RIF1: variants seen among roughly 807,000 people sequenced by gnomAD.
RIF1 encodes telomere-associated protein RIF1.
RIF1 carries 45 observed loss-of-function variants against 247.1 expected under a neutral mutation model. The observed-to-expected ratio is 0.18, with a 90% confidence interval of 0.14 to 0.23. The LOEUF (loss-of-function observed/expected upper bound fraction) is 0.23. Among genes scored for constraint, RIF1 ranks in the 10% least tolerant of loss-of-function variants. The pLI is 1.00. For synonymous variants in RIF1, 1,087 were observed against 978.8 expected (o/e 1.11, Z -2.06); for missense variants, 2,967 against 2,862.5 (o/e 1.04, Z -0.83).
At position 151,410,510 on chromosome 2, in the gene RIF1, T is replaced by A; in HGVS notation, c.87T>A (p.Ala29=). 1 of 1,613,814 alleles carries A rather than the reference T, an allele frequency of 6.2e-7. No homozygotes were observed. Residue 29 remains alanine, a synonymous_variant, in exon 2 of 36, where the codon GCT becomes GCA. Transcript: ENST00000444746. The stretch of plus-strand genomic sequence containing the variant: ...CCTCCCATGGAGGGCAGACTGACGC[T>A]TACCTGACTCTGACCAGGTGAGGTC... ...PSASHGGQTD[A]YLTLTSRMTG...
chr2:151,529,535 T>A, the RIF1 span, among the ~76,000 whole-genome samples: 1 of 71,738 alleles, frequency 1.4e-5, no homozygotes, highest in African/African-American at 3.5e-5. Context: ...TGCCATATAA[T>A]TTTTTTTTTT....
intron 10 of RIF1, chr2:151,496,203 A>G: frequency 7.2e-7 from 1 of 1,392,354 alleles, no homozygotes; most frequent in Non-Finnish European, 9.9e-7. Context: ...AGTAGGATTA[A>G]TATGTATTAT....
chr2:151,474,770 G>A, intron 35 of RIF1, 87 bp from the exon 36 acceptor site: 1 of 757,862 alleles, frequency 1.3e-6, no homozygotes, highest in Non-Finnish European at 2.2e-6. Flanking sequence ...TTGAAACCTA[G>A]GCACTTGGAC....
chr2:151,531,858 T>A, the RIF1 span: 1 of 1,611,480 alleles, frequency 6.2e-7, no homozygotes, highest in Non-Finnish European at 8.5e-7. Context: ...TTGAGGTAAA[T>A]TTGTCCTTTG....
chr2:151,461,431 GC>G, intron 27 of RIF1, 142 bp downstream of exon 27: 1 of 740,828 alleles, frequency 1.3e-6, no homozygotes, highest in Non-Finnish European at 2.1e-6. Context: ...TCACTCTGTT[GC>G]CCAGGCTGGA....
chr2:151,498,432 G>A (rs1575073522), intron 10 of RIF1: 2 of 942,176 alleles, frequency 2.1e-6, no homozygotes. Context: ...GTTGGGAGTG[G>A]GAAGGGAGGA....
At position 151,490,397 on chromosome 2, in the gene RIF1, G is replaced by A. The variant is rs772073084; in HGVS notation, c.*416-4832G>A. ...CTGTTGAGACTGCAAAGACACCCCC[G>A]TCGCTGTAAGTCGAAAGGTGGTGGT... is the stretch of plus-strand genomic sequence containing the variant. On this transcript the variant is annotated intron_variant and NMD_transcript_variant, in intron 9 of 13. Transcript: ENST00000454583. The A allele has an allele frequency of 7.5e-6, 12 of 1,591,630 alleles. No homozygotes were observed. The highest frequency in any genetic ancestry group is 1.3e-5 in the African/African-American group (1 of 74,394).
Position 151,420,234 on chromosome 2 carries a change from G to A in RIF1, c.548G>A (p.Arg183Lys), listed in dbSNP as rs1215720283. Residue 183 changes from arginine (R) to lysine (K), a missense_variant, in exon 7 of 36, where the codon AGG (arginine) becomes AAG (lysine). This residue lies in a region of RIF1 where 269 missense variants were observed against 288.6 expected (regional missense o/e 0.93). Coordinates refer to ENST00000444746, the MANE Select transcript of RIF1 (RefSeq NM_018151.5). ...ATTCAAATGGGAGAAGAGGCAGTGA[G>A]GTGGGCAAAACTGGTCATACCTTTA... ...APIQMGEEAVRWAKLVIPLVV... is the reference protein window; with the variant it reads ...APIQMGEEAVKWAKLVIPLVV... 1 of 1,614,006 alleles carries A rather than the reference G, an allele frequency of 6.2e-7. No homozygotes were observed. The highest frequency in any genetic ancestry group is 1.3e-5 in the African/African-American group (1 of 74,922).
At chr2:151,501,261 G>T in intron 11 of RIF1, 1 of 571,672 alleles carries the variant, frequency 1.7e-6, no homozygotes, top group Admixed American at 2.9e-5. Context: ...GAAAACAGAA[G>T]GATTCAGTTG....
intron 7 of RIF1, among the ~76,000 whole-genome samples, chr2:151,421,683 G>A (rs1371719637): frequency 2.0e-5 from 3 of 152,016 alleles, no homozygotes; most frequent in African/African-American, 4.8e-5. Flanking sequence ...GTGTTGGGAT[G>A]ACAGGCGTGA....
intron 12 of RIF1, chr2:151,506,025 T>A (rs2068613638): frequency 2.6e-6 from 2 of 756,372 alleles, no homozygotes; most frequent in East Asian, 5.0e-5. Flanking sequence ...CTCTAGCCAC[T>A]GTGTGGTGGT....
chr2:151,445,531 G>T (rs569076873), intron 19 of RIF1, 86 bp downstream of exon 19: 20 of 779,976 alleles, frequency 2.6e-5, no homozygotes, highest in South Asian at 1.8e-4. Context: ...CTTCCACAAT[G>T]ATTTGTTTTT....
chr2:151,507,773 T>C, exon 14 of RIF1: 1 of 484,354 alleles, frequency 2.1e-6, no homozygotes, highest in Non-Finnish European at 3.7e-6. Context: ...AAAGATACTA[T>C]ATTTTCTCCC....
the RIF1 span, chr2:151,526,346 G>A: frequency 1.1e-6 from 1 of 932,294 alleles, no homozygotes; most frequent in Non-Finnish European, 1.7e-6. Context: ...CAGTAGAACA[G>A]CAGCGTTGAC....
chr2:151,444,922 G>A (rs1213681566), intron 18 of RIF1, among the ~76,000 whole-genome samples: 1 of 152,212 alleles, frequency 6.6e-6, no homozygotes, highest in Non-Finnish European at 1.5e-5. Context: ...AAATCAAGGA[G>A]TTGGTAGGAT....
intron 7 of RIF1, among the ~76,000 whole-genome samples, 160 bp from the exon 8 acceptor site, chr2:151,422,790 T>G (rs1688404291): frequency 6.6e-6 from 1 of 152,022 alleles, no homozygotes; most frequent in African/African-American, 2.4e-5. Context: ...GTGCTGGGAT[T>G]ACAGGCTTGA....
chr2:151,475,081 AG>A lies in RIF1; in HGVS notation c.*11del. 1 of 1,566,746 alleles carries A rather than the reference AG, an allele frequency of 6.4e-7. No homozygotes were observed. Among genetic ancestry groups the A allele is most frequent in the Non-Finnish European group, 8.8e-7 (1 of 1,138,240 alleles). ...TGAAAATTCTATTTAGTATTTTCAGAGAAAATTGAAGGTTTTTTTAAACATC... is the reference window on the plus strand; with the variant it reads ...TGAAAATTCTATTTAGTATTTTCAGAAAAATTGAAGGTTTTTTTAAACATC... On this transcript the variant is annotated 3_prime_UTR_variant, in exon 36 of 36. Transcript: ENST00000444746.
the RIF1 span, among the ~76,000 whole-genome samples, chr2:151,530,414 C>T: frequency 3.8e-3 from 578 of 152,138 alleles, 17 homozygotes; most frequent in East Asian, 0.08. Context: ...TTTCATTAAT[C>T]GTTGGGGAAG....
the RIF1 span, chr2:151,513,481 T>C: frequency 1.2e-6 from 1 of 843,578 alleles, no homozygotes; most frequent in Non-Finnish European, 1.9e-6. Flanking sequence ...ATTGTATGCA[T>C]GTGACTGTCA....
Sources: gnomAD v4.1 joint callset for allele counts (sites outside exome capture counted in the v4.1 genomes callset) on GRCh38, gnomAD v4.1.1 for gene constraint, gnomAD v4.1.1 regional missense constraint, MANE v1.5 for transcripts, NCBI Gene and HGNC (gene_info 2026-07-23, HGNC 2026-07-21) for gene names.